Variants in SH3RF3 observed in about 807,000 individuals in gnomAD.
The protein encoded by SH3RF3 is SH3 domain containing ring finger 3, also known as E3 ubiquitin-protein ligase SH3RF3.
A neutral mutation model predicts 66.3 loss-of-function variants in SH3RF3; 29 were observed. The observed-to-expected ratio is 0.44, with a 90% confidence interval of 0.33 to 0.60. The LOEUF (loss-of-function observed/expected upper bound fraction) is 0.60. SH3RF3 is among the 20% of genes least tolerant of loss of function. The probability of loss-of-function intolerance (pLI) is 0.04; values close to 1 mark genes in which losing one functional copy is unlikely to be tolerated. For missense variants in SH3RF3, 1,194 were observed against 1,190.9 expected, an observed-to-expected ratio of 1.00 and a Z score of -0.04; for synonymous variants, 583 against 532.0, an observed-to-expected ratio of 1.10 and a Z score of -1.32.
rs547118891 is a variant in SH3RF3 at position 109,331,540 on chromosome 2, C to T, written c.574-16134C>T. Among the ~76,000 whole-genome samples, 360 of 152,298 alleles carry T rather than the reference C, an allele frequency of 2.4e-3. 1 individual carries two copies. The highest frequency in any genetic ancestry group is 2.1e-3 in the Non-Finnish European group (146 of 68,020). ...CTCCTGAATTTAAAATTGCAACCCC[C>T]ACCGCCTTCCAATCCCCTTCTGGAT... On this transcript the variant is annotated intron_variant, in intron 1 of 9. Coordinates refer to ENST00000309415, the MANE Select transcript of SH3RF3 (RefSeq NM_001099289.3).
At chr2:109,315,169 T>C (rs1681845753) in intron 1 of SH3RF3, among the ~76,000 whole-genome samples, 1 of 152,224 alleles carries the variant, frequency 6.6e-6, no homozygotes, top group African/African-American at 2.4e-5. Flanking sequence ...GCAGAAAGTC[T>C]TATTTGATGA....
At chr2:109,398,473 A>T in intron 3 of SH3RF3, 117 bp from the exon 4 acceptor site, 2 of 922,198 alleles carry the variant, frequency 2.2e-6, no homozygotes, top group South Asian at 3.4e-5. Flanking sequence ...CTGCAGTCTG[A>T]CGGATTTGAA....
intron 1 of SH3RF3, among the ~76,000 whole-genome samples, chr2:109,163,542 G>A (rs1313445218): frequency 6.7e-6 from 1 of 149,910 alleles, no homozygotes; most frequent in East Asian, 2.0e-4. Context: ...GGGACTACAG[G>A]CGCCCGCCAC....
intron 1 of SH3RF3, among the ~76,000 whole-genome samples, chr2:109,153,854 G>A (rs567711597): frequency 1.3e-5 from 2 of 152,316 alleles, no homozygotes; most frequent in South Asian, 4.1e-4. Flanking sequence ...CTGACTCCTG[G>A]TCTCCCACTG....
intron 1 of SH3RF3, among the ~76,000 whole-genome samples, chr2:109,227,100 G>C (rs2105170226): frequency 6.6e-6 from 1 of 152,236 alleles, no homozygotes; most frequent in African/African-American, 2.4e-5. Context: ...TGGGGTCTTT[G>C]CTGGAACATC....
chr2:109,382,336 G>T (rs1675710371), intron 3 of SH3RF3, among the ~76,000 whole-genome samples: 1 of 152,104 alleles, frequency 6.6e-6, no homozygotes, highest in South Asian at 2.1e-4. Flanking sequence ...GCCCAGCCCA[G>T]GGGAGAGTCT....
At chr2:109,189,842 C>T (rs2105017606) in intron 1 of SH3RF3, among the ~76,000 whole-genome samples, 1 of 152,270 alleles carries the variant, frequency 6.6e-6, no homozygotes, top group African/African-American at 2.4e-5. Context: ...CGACAGTGGC[C>T]AGAGATCATG....
chr2:109,427,577 G>A, intron 5 of SH3RF3, among the ~76,000 whole-genome samples: 1 of 152,156 alleles, frequency 6.6e-6, no homozygotes, highest in East Asian at 1.9e-4. Flanking sequence ...ACTGGCCCAG[G>A]TTCACACTTC....
intron 1 of SH3RF3, among the ~76,000 whole-genome samples, chr2:109,183,602 TA>T (rs5833317): frequency 0.86 from 131,009 of 152,090 alleles, 56,565 homozygotes; most frequent in African/African-American, 0.91. Flanking sequence ...ATTTTTGAGA[TA>T]AAAAAAATGA....
intron 1 of SH3RF3, among the ~76,000 whole-genome samples, chr2:109,166,762 C>T (rs966471690): frequency 6.6e-6 from 1 of 152,190 alleles, no homozygotes; most frequent in Non-Finnish European, 1.5e-5. Flanking sequence ...TAGGTTCTGG[C>T]ATCTAGCTTC....
chr2:109,450,866 T>C (rs1228934848), intron 8 of SH3RF3, among the ~76,000 whole-genome samples: 1 of 152,262 alleles, frequency 6.6e-6, no homozygotes, highest in Non-Finnish European at 1.5e-5. Context: ...GCAGATCTTT[T>C]GACATCTTTC....
chr2:109,196,891 C>T (rs189437982), intron 1 of SH3RF3, among the ~76,000 whole-genome samples: 3 of 152,264 alleles, frequency 2.0e-5, no homozygotes, highest in South Asian at 2.1e-4. Context: ...TTGAGGACCC[C>T]GGCACATCAT....
At chr2:109,317,912 G>T (rs72627481) in intron 1 of SH3RF3, among the ~76,000 whole-genome samples, 4,384 of 152,144 alleles carry the variant, frequency 0.029, 219 homozygotes, top group East Asian at 0.2. Flanking sequence ...GCAGCAGCTC[G>T]CTGGCTGCAC....
intron 1 of SH3RF3, among the ~76,000 whole-genome samples, chr2:109,270,156 T>G (rs759151708): frequency 6.6e-6 from 1 of 152,034 alleles, no homozygotes; most frequent in African/African-American, 2.4e-5. Flanking sequence ...CCTGGGGGTG[T>G]TGGAGGAGTG....
intron 4 of SH3RF3, among the ~76,000 whole-genome samples, chr2:109,409,432 A>G (rs563357296): frequency 1.2e-4 from 18 of 152,336 alleles, no homozygotes; most frequent in African/African-American, 4.3e-4. Flanking sequence ...CTGGCTGCCA[A>G]TAAAACTTTA....
chr2:109,226,027 T>C (rs554865659), intron 1 of SH3RF3, among the ~76,000 whole-genome samples: 7 of 152,282 alleles, frequency 4.6e-5, no homozygotes, highest in African/African-American at 9.6e-5. Context: ...TAGTATTTTG[T>C]CAGGAAAAAA....
At chr2:109,448,842 G>A (rs979490962) in intron 7 of SH3RF3, among the ~76,000 whole-genome samples, 5 of 152,152 alleles carry the variant, frequency 3.3e-5, no homozygotes, top group African/African-American at 7.2e-5. Flanking sequence ...GTTGGGGACC[G>A]CTGAGTTAAA....
intron 1 of SH3RF3, among the ~76,000 whole-genome samples, chr2:109,322,145 G>A (rs1423705528): frequency 2.6e-5 from 4 of 152,138 alleles, no homozygotes; most frequent in Non-Finnish European, 5.9e-5. Context: ...GTAAGGGGGA[G>A]GAAGAGAGAG....
chr2:109,454,328 C>T (rs906350806), intron 8 of SH3RF3, among the ~76,000 whole-genome samples: 5 of 152,204 alleles, frequency 3.3e-5, no homozygotes, highest in Non-Finnish European at 7.3e-5. Context: ...GGACCCTTAC[C>T]TGGTGGGGTG....
Sources: allele counts gnomAD v4.1 joint callset (sites outside exome capture counted in the v4.1 genomes callset), GRCh38; gene constraint gnomAD v4.1.1; transcripts MANE v1.5; gene names NCBI Gene and HGNC (gene_info 2026-07-23, HGNC 2026-07-21).